The following HSPBAP1 variants were observed in gnomAD, a reference collection of about 807,000 sequenced individuals.
HSPBAP1 encodes HSPB1-associated protein 1.
Under a neutral mutation model 45.2 loss-of-function variants are expected in HSPBAP1, and 27 were observed. The observed-to-expected ratio is 0.60, with a 90% CI of 0.44 to 0.82. The LOEUF (loss-of-function observed/expected upper bound fraction) is 0.82. Among genes scored for constraint, HSPBAP1 ranks in the 40% least tolerant of loss-of-function variants. The pLI is 0.00. For missense variants in HSPBAP1, 510 were observed against 590.9 expected (o/e 0.86, Z 1.42); for synonymous variants, 204 against 202.7 (o/e 1.01, Z -0.06).
intron 3 of HSPBAP1, among the ~76,000 whole-genome samples, chr3:122,766,620 G>A (rs955982): frequency 0.45 from 68,612 of 152,072 alleles, 16,337 homozygotes; most frequent in South Asian, 0.55. Context: ...CTACTAATGG[G>A]GTCAGATCAA....
At chr3:122,746,288 A>AAAC (rs1553751539) in intron 6 of HSPBAP1, among the ~76,000 whole-genome samples, 11 of 147,192 alleles carry the variant, frequency 7.5e-5, no homozygotes, top group Non-Finnish European at 3.0e-5. Context: ...TCAAAAAAAA[A>AAAC]ATCAAAAGGT....
intron 3 of HSPBAP1, among the ~76,000 whole-genome samples, chr3:122,762,271 CTTTT>C (rs535189641): frequency 2.1e-5 from 3 of 145,582 alleles, no homozygotes; most frequent in Admixed American, 6.9e-5. Context: ...TCTCCTTTAT[CTTTT>C]TTTTTTTTTA....
At chr3:122,745,691 C>G (rs1026939486) in intron 6 of HSPBAP1, among the ~76,000 whole-genome samples, 2 of 151,980 alleles carry the variant, frequency 1.3e-5, no homozygotes, top group African/African-American at 4.8e-5. Flanking sequence ...TAATAATAGC[C>G]CCAAAGTACA....
chr3:122,750,010 C>CT (rs1482924954), intron 6 of HSPBAP1, among the ~76,000 whole-genome samples: 1 of 149,254 alleles, frequency 6.7e-6, no homozygotes, highest in African/African-American at 2.5e-5. Context: ...GAGACTCGCT[C>CT]TGTTGCCAGG....
chr3:122,762,174 AG>A (rs1416680745), intron 3 of HSPBAP1, among the ~76,000 whole-genome samples: 2 of 152,170 alleles, frequency 1.3e-5, no homozygotes, highest in African/African-American at 4.8e-5. Context: ...CTTACAGAGG[AG>A]GGTCCTAGAT....
At chr3:122,793,536 C>A in intron 1 of HSPBAP1, 81 bp downstream of exon 1, 1 of 1,292,988 alleles carries the variant, frequency 7.7e-7, no homozygotes, top group South Asian at 1.2e-5. Context: ...GGGGCTAAGG[C>A]AAACGGCCCC....
At chr3:122,746,030 G>T (rs1204050250) in intron 6 of HSPBAP1, among the ~76,000 whole-genome samples, 1 of 152,202 alleles carries the variant, frequency 6.6e-6, no homozygotes, top group East Asian at 1.9e-4. Context: ...TTACAATCGG[G>T]TTTGGTAATA....
intron 2 of HSPBAP1, among the ~76,000 whole-genome samples, chr3:122,770,700 CA>C (rs1026099879): frequency 2.6e-5 from 4 of 151,440 alleles, no homozygotes; most frequent in African/African-American, 4.9e-5. Context: ...GATCCTGTCT[CA>C]AAAAAACAAA....
intron 5 of HSPBAP1, 136 bp downstream of exon 5, chr3:122,755,124 C>T: frequency 8.3e-7 from 1 of 1,210,326 alleles, no homozygotes; most frequent in Non-Finnish European, 1.1e-6. Context: ...AAGCTACCTT[C>T]CAACAGCAGA....
intron 1 of HSPBAP1, among the ~76,000 whole-genome samples, chr3:122,792,625 T>C (rs758263868): frequency 1.3e-5 from 2 of 151,950 alleles, no homozygotes; most frequent in Non-Finnish European, 2.9e-5. Context: ...CACCATCTCA[T>C]CCAATCAGAA....
In HSPBAP1 at chr3:122,750,515, A is replaced by ATATCTATCTATCTATCTATC. The variant is rs9289203; in HGVS notation, c.825+2056_825+2075dup. 1.6e-3 allele frequency among the ~76,000 whole-genome samples: 246 copies of ATATCTATCTATCTATCTATC among 149,154 alleles called. 1 individual carries two copies. The highest frequency in any genetic ancestry group is 2.1e-3 in the African/African-American group (85 of 40,304). On this transcript the variant is annotated intron_variant, in intron 6 of 7. Transcript: ENST00000306103. ...ATGAATTAGAAATATAAATACATCA[A>ATATCTATCTATCTATCTATC]TATCTATCTATCTATCTATCTATCT...
At position 122,758,883 on chromosome 3, in the gene HSPBAP1, G is replaced by A. The variant is rs1172842198; in HGVS notation, c.569+341C>T. The A allele has an allele frequency of 8.0e-5, 24 of 298,440 alleles. No homozygotes were observed. The Admixed American group carries it at 1.2e-3, about 15-fold the overall frequency. 18.5% of individuals were successfully genotyped at this position (298,440 alleles called of 1,614,324 possible). A position where few individuals can be genotyped will look rare whatever the true frequency, so the allele number is the denominator to read the frequency against. On this transcript the variant is annotated intron_variant, in intron 4 of 7. Transcript: ENST00000306103. ...GCAACAGAGCAAGACTGTCTCAAAT[G>A]TCTCTAATTTACCAAAAAAAAAAAA...
chr3:122,744,046 G>A (rs566943527), intron 6 of HSPBAP1, among the ~76,000 whole-genome samples: 3 of 150,620 alleles, frequency 2.0e-5, no homozygotes, highest in South Asian at 2.1e-4. Context: ...TCTAGTTTTC[G>A]GGTTAGGTAA....
Position 122,777,740 on chromosome 3 carries a change from C to G in HSPBAP1, c.231G>C (p.Gly77=). 6.2e-7 allele frequency: 1 copy of G among 1,613,540 alleles called. No individual in the cohort carries two copies. The highest frequency in any genetic ancestry group is 8.5e-7 in the Non-Finnish European group (1 of 1,179,668). ...TCATACCTGTGCTCATGCTTTTCATCCCCATTCTGAATCGTATCTGCTTGC... is the reference window on the plus strand; with the variant it reads ...TCATACCTGTGCTCATGCTTTTCATGCCCATTCTGAATCGTATCTGCTTGC... ...LHGKQIRFRM[G]MKSMSTVPQF... is the part of the protein sequence containing the mutation. The change falls in exon 2 of 8, where the codon GGG becomes GGC. Residue 77 remains glycine, a synonymous_variant. Coordinates refer to ENST00000306103, the MANE Select transcript of HSPBAP1 (RefSeq NM_024610.6).
Position 122,777,766 on chromosome 3 carries a change from C to G in HSPBAP1, c.205G>C (p.Gly69Arg). ...CCCATTCTGAATCGTATCTGCTTGC[C>G]ATGAAGGACCTGCGAAAGGTATTTA... is the stretch of plus-strand genomic sequence containing the variant. Reference protein sequence around the residue: ...NAKYLSQVLHGKQIRFRMGMK... With the variant: ...NAKYLSQVLHRKQIRFRMGMK... The change falls in exon 2 of 8, where the codon GGC becomes CGC. Residue 69 changes from glycine to arginine, a missense_variant. Gly to Arg is a moderately radical substitution (Grantham distance 125). Coordinates refer to ENST00000306103, the MANE Select transcript of HSPBAP1 (RefSeq NM_024610.6). The G allele has an allele frequency of 6.2e-7, 1 of 1,613,978 alleles. No individual in the cohort carries two copies. Among genetic ancestry groups the G allele is most frequent in the Non-Finnish European group, 8.5e-7 (1 of 1,179,942 alleles).
At chr3:122,775,564 T>C (rs1467648478) in intron 2 of HSPBAP1, among the ~76,000 whole-genome samples, 1 of 152,204 alleles carries the variant, frequency 6.6e-6, no homozygotes, top group African/African-American at 2.4e-5. Context: ...TCCACCCGCC[T>C]TGGCCTCCCA....
chr3:122,793,744 AGG>A lies in HSPBAP1; in HGVS notation c.-66_-65del. 10 of 1,508,246 alleles carry A rather than the reference AGG, an allele frequency of 6.6e-6. No individual in the cohort carries two copies. The highest frequency in any genetic ancestry group is 9.2e-6 in the Non-Finnish European group (10 of 1,088,482). The allele number at this position is 1,508,246 out of a possible 1,614,324, so 93.4% of individuals were successfully genotyped here. On this transcript the variant is annotated 5_prime_UTR_variant, in exon 1 of 8. Coordinates refer to ENST00000306103, the MANE Select transcript of HSPBAP1 (RefSeq NM_024610.6). ...AGCGGAGCTGGGGTGGGGTCAGAGT[AGG>A]GGCCAAACTCCGAGACCCGAAGCTG...
intron 5 of HSPBAP1, 88 bp downstream of exon 5, chr3:122,755,172 G>T: frequency 7.9e-7 from 1 of 1,270,118 alleles, no homozygotes; most frequent in South Asian, 2.2e-5. Context: ...GCACTGCGCA[G>T]GGAGGGGAAG....
In HSPBAP1 at chr3:122,777,804, C is replaced by A. The variant is rs1406752074; in HGVS notation, c.167G>T (p.Arg56Leu). The change falls in exon 2 of 8, where the codon CGA becomes CTA. Residue 56 changes from arginine to leucine, a missense_variant. Arg to Leu is a moderately radical substitution (Grantham distance 102, BLOSUM62 -2). Transcript: ENST00000306103. ...CGAAAGGTATTTAGCATTCCAGTGT[C>A]GTGCTGGCCAATCAAACACCATGTT... ...FCNMVFDWPA[R>L]HWNAKYLSQV... 2 of 1,613,798 alleles carry A rather than the reference C, an allele frequency of 1.2e-6. No individual in the cohort carries two copies. The highest frequency in any genetic ancestry group is 2.2e-5 in the South Asian group (2 of 91,064).
Sources: allele counts gnomAD v4.1 joint callset (sites outside exome capture counted in the v4.1 genomes callset), GRCh38; gene constraint gnomAD v4.1.1; transcripts MANE v1.5; gene names NCBI Gene and HGNC (gene_info 2026-07-23, HGNC 2026-07-21).